TTN: variants seen among roughly 807,000 people sequenced by gnomAD.
TTN encodes the protein titin, also known as connectin.
TTN carries 1,525 observed loss-of-function variants against 3,223.0 expected under a neutral mutation model. The ratio of observed to expected loss-of-function variants is 0.47; its 90% CI spans 0.45 to 0.49. The LOEUF is 0.49. Ranked by LOEUF, TTN falls within the 20% of genes least tolerant of loss-of-function variation. The pLI is 0.00. For synonymous variants in TTN, 14,094 were observed against 15,161.0 expected, an observed-to-expected ratio of 0.93 and a Z score of 5.17; for missense variants, 40,786 against 43,424.0, an observed-to-expected ratio of 0.94 and a Z score of 5.40.
In TTN at chr2:178,777,150, T is replaced by C; in HGVS notation, c.4813A>G (p.Arg1605Gly). 6.2e-7 allele frequency: 1 copy of C among 1,614,130 alleles called. No homozygotes were observed. Among genetic ancestry groups the C allele is most frequent in the Non-Finnish European group, 8.5e-7 (1 of 1,179,972 alleles). ...IIVPHKYPKI[R>G]IEGTKGEAAL... The stretch of plus-strand genomic sequence containing the variant: ...TAGCTTTATTATTTCCATACTTACC[T>C]GATTTTGGGATATTTATGAGGCACA... Residue 1605 changes from arginine to glycine, a missense_variant and splice_region_variant, in exon 27 of 363, where the codon AGA (arginine) becomes GGA (glycine). Transcript: ENST00000589042.
intron 257 of TTN, 146 bp from the exon 258 acceptor site, chr2:178,615,934 T>G (rs2057253916): frequency 1.1e-6 from 1 of 921,542 alleles, no homozygotes; most frequent in Non-Finnish European, 1.6e-6. Flanking sequence ...TAGGGAAAAT[T>G]GCAAAGTAGG....
At chr2:178,794,858 G>T in intron 7 of TTN, 64 bp downstream of exon 7, 1 of 1,574,402 alleles carries the variant, frequency 6.4e-7, no homozygotes, top group Non-Finnish European at 8.6e-7. Context: ...GAGTTTCATG[G>T]CAGAAATCCA....
At position 178,786,222 on chromosome 2, in the gene TTN, A is replaced by T. The variant is rs576101564; in HGVS notation, c.2077-81T>A. 2.7e-6 allele frequency: 4 copies of T among 1,492,146 alleles called. No individual in the cohort carries two copies. In the Admixed American group the frequency reaches 5.5e-5, roughly 20 times the overall value. The allele number at this position is 1,492,146 out of a possible 1,614,324, so 92.4% of individuals were successfully genotyped here. On this transcript the variant is annotated intron_variant, in intron 13 of 362. Transcript: ENST00000589042. ...ATCTCCTGGGCATCAGGACAGGCAG[A>T]TGGCGTCCACATTATACAGCAGTGT... is the stretch of plus-strand genomic sequence containing the variant.
chr2:178,628,545 G>C (rs1013597548), intron 240 of TTN, among the ~76,000 whole-genome samples: 1 of 151,998 alleles, frequency 6.6e-6, no homozygotes, highest in Admixed American at 6.6e-5. Context: ...GATCAATTTA[G>C]GCAAATTGTA....
chr2:178,624,467 A>T lies in TTN; in HGVS notation c.44813T>A (p.Val14938Glu). Residue 14938 changes from valine to glutamate, a missense_variant and splice_region_variant, in exon 242 of 363, where the codon GTG (valine) becomes GAG (glutamate). Physicochemically the swap from Val to Glu is moderately radical, Grantham distance 121 (BLOSUM62 -2). Coordinates refer to ENST00000589042, the MANE Select transcript of TTN (RefSeq NM_001267550.2). The part of the protein sequence containing the change: ...DFKTSCNLNV[V>E]PPHVEFLRPL... The stretch of plus-strand genomic sequence containing the variant: ...TCCTTTGTAAGAAGAATACTTACGC[A>T]CGACATTCAGGTTACAGGAAGTCTT... The T allele has an allele frequency of 6.2e-7, 1 of 1,612,274 alleles. No individual in the cohort carries two copies. The highest frequency in any genetic ancestry group is 8.5e-7 in the Non-Finnish European group (1 of 1,178,872).
intron 41 of TTN, among the ~76,000 whole-genome samples, chr2:178,766,082 C>T (rs549239352): frequency 2.0e-5 from 3 of 152,086 alleles, no homozygotes; most frequent in African/African-American, 4.8e-5. Context: ...AGTTTAACAG[C>T]GAATCTAGAA....
Position 178,569,495 on chromosome 2 carries a change from T to C in TTN, c.76637A>G (p.Lys25546Arg). The change falls in exon 326 of 363, where the codon AAG becomes AGG. Residue 25546 changes from lysine to arginine, a missense_variant. By Grantham distance (26) the Lys-to-Arg change is conservative (BLOSUM62 2). Transcript: ENST00000589042. ...GRPTPEVKWG[K>R]VDGEIRDAAI... ...TGCATCTCGGATTTCACCATCCACC[T>C]TTCCCCATTTAACTTCTGGTGTAGG... 6.2e-7 allele frequency: 1 copy of C among 1,612,778 alleles called. No individual in the cohort carries two copies. Among genetic ancestry groups the C allele is most frequent in the Non-Finnish European group, 8.5e-7 (1 of 1,179,148 alleles).
Position 178,611,736 on chromosome 2 carries a change from G to A in TTN, c.50551+22C>T, listed in dbSNP as rs771135292. 2.3e-5 allele frequency: 37 copies of A among 1,611,280 alleles called. No homozygotes were observed. In the East Asian group the frequency reaches 3.8e-4, roughly 17 times the overall value. On this transcript the variant is annotated intron_variant, in intron 268 of 362. Transcript: ENST00000589042. ...CTCATCAAGTTCTAGACAATATCTT[G>A]TGTATAATCAGCACTACTTACTTGT... is the stretch of plus-strand genomic sequence containing the variant.
In TTN at chr2:178,635,544, C is replaced by A; in HGVS notation, c.41780G>T (p.Gly13927Val). 6.3e-7 allele frequency: 1 copy of A among 1,596,020 alleles called. No individual in the cohort carries two copies. The highest frequency in any genetic ancestry group is 8.5e-7 in the Non-Finnish European group (1 of 1,169,904). Residue 13927 changes from glycine to valine, a missense_variant, in exon 227 of 363, where the codon GGA becomes GTA. Transcript: ENST00000589042. ...CTTAATTTTGAGGTACAGATGATTT[C>A]CATCTCTCAGTATTTCAGTCTTATC... ...PNDKTEILRD[G>V]NHLYLKIKNA... is the part of the protein sequence containing the mutation.
chr2:178,637,903 A>C (rs1421249657), intron 223 of TTN, among the ~76,000 whole-genome samples: 2 of 152,052 alleles, frequency 1.3e-5, no homozygotes, highest in Non-Finnish European at 2.9e-5. Flanking sequence ...AAAAGAGTCC[A>C]TGTACCACAC....
chr2:178,751,459 AT>A, intron 47 of TTN: 11 of 1,613,170 alleles, frequency 6.8e-6, no homozygotes, highest in Non-Finnish European at 8.5e-6. Flanking sequence ...TTTGTTCCAC[AT>A]CTTGTTTTTT....
Position 178,673,634 on chromosome 2 carries a change from T to G in TTN, c.34785A>C (p.Lys11595Asn). The change falls in exon 152 of 363, where the codon AAA (lysine) becomes AAC (asparagine). Residue 11595 changes from lysine to asparagine, a missense_variant and splice_region_variant. Coordinates refer to ENST00000589042, the MANE Select transcript of TTN (RefSeq NM_001267550.2). ...ATTAATAATGAGGATTTGATATACC[T>G]TTAGCTGGTGGTGCCTCCACTTTTT... ...VPKKVEAPPA[K>N]VSKKIPEEKV... 6.3e-7 allele frequency: 1 copy of G among 1,590,148 alleles called. No individual in the cohort carries two copies. Among genetic ancestry groups the G allele is most frequent in the African/African-American group, 1.4e-5 (1 of 73,452 alleles).
rs1221038194 is a variant in TTN, at chr2:178,567,353, T to A, written c.78779A>T (p.Asp26260Val). 2 of 1,597,358 alleles carry A rather than the reference T, an allele frequency of 1.3e-6. No individual in the cohort carries two copies. The highest frequency in any genetic ancestry group is 1.7e-6 in the Non-Finnish European group (2 of 1,174,080). The part of the protein sequence containing the change: ...LLIVKDAIRI[D>V]GGQYILRASN... ...AGCTCTTAAAATATACTGCCCACCATCAATTCTAATTGCATCTTTTACAAT... is the reference window on the plus strand; with the variant it reads ...AGCTCTTAAAATATACTGCCCACCAACAATTCTAATTGCATCTTTTACAAT... The change falls in exon 326 of 363, where the codon GAT becomes GTT. Residue 26260 changes from aspartate to valine, a missense_variant. Coordinates refer to ENST00000589042, the MANE Select transcript of TTN (RefSeq NM_001267550.2).
At chr2:178,706,101 G>A (rs1239647470) in intron 102 of TTN, among the ~76,000 whole-genome samples, 1 of 152,158 alleles carries the variant, frequency 6.6e-6, no homozygotes, top group Non-Finnish European at 1.5e-5. Context: ...GAGATGGATG[G>A]CCCATGACTC....
chr2:178,619,445 A>G, intron 250 of TTN, 176 bp downstream of exon 250: 1 of 696,352 alleles, frequency 1.4e-6, no homozygotes, highest in Non-Finnish European at 2.3e-6. Flanking sequence ...ATTGCTATTA[A>G]TTTCCTCTTA....
At position 178,564,144 on chromosome 2, in the gene TTN, G is replaced by C. The variant is rs1205501595; in HGVS notation, c.81988C>G (p.Gln27330Glu). 1 of 1,613,720 alleles carries C rather than the reference G, an allele frequency of 6.2e-7. No individual in the cohort carries two copies. The highest frequency in any genetic ancestry group is 1.1e-5 in the South Asian group (1 of 91,078). The change falls in exon 326 of 363, where the codon CAG becomes GAG. Residue 27330 changes from glutamine to glutamate, a missense_variant. Coordinates refer to ENST00000589042, the MANE Select transcript of TTN (RefSeq NM_001267550.2). ...TCTTTGACAACAAGAGTTGTTTTCT[G>C]AATAGTAGATTTAATTTCCATTCTA... Reference protein sequence around the residue: ...AARMEIKSTIQKTTLVVKDCI... With the variant: ...AARMEIKSTIEKTTLVVKDCI...
At chr2:178,651,110 A>G (rs2062869112) in intron 208 of TTN, 133 bp downstream of exon 208, 1 of 746,178 alleles carries the variant, frequency 1.3e-6, no homozygotes, top group Non-Finnish European at 2.2e-6. Context: ...AAAAGTATTC[A>G]GACCCTAAAA....
At chr2:178,796,320 T>A (rs1027521610) in intron 6 of TTN, among the ~76,000 whole-genome samples, 1 of 152,216 alleles carries the variant, frequency 6.6e-6, no homozygotes, top group Non-Finnish European at 1.5e-5. Flanking sequence ...AAAATGTTTA[T>A]AAATGCATCT....
rs879073304 is a variant in TTN, at chr2:178,592,927, T to C, written c.59192A>G (p.Asn19731Ser). ...KVGDEEWRRA[N>S]HTPESCPETK... ...TTCAGGACATGACTCAGGGGTGTGA[T>C]TGGCTCTTCTCCACTCTTCATCTCC... The change falls in exon 300 of 363, where the codon AAT becomes AGT. Residue 19731 changes from asparagine (N) to serine (S), a missense_variant. Asn to Ser is a conservative substitution (Grantham distance 46). Transcript: ENST00000589042. 6.8e-6 allele frequency: 11 copies of C among 1,613,388 alleles called. No homozygotes were observed. Among genetic ancestry groups the C allele is most frequent in the Middle Eastern group, 1.6e-4 (1 of 6,080 alleles).
Sources: allele counts gnomAD v4.1 joint callset (sites outside exome capture counted in the v4.1 genomes callset), GRCh38; gene constraint gnomAD v4.1.1; transcripts MANE v1.5; gene names NCBI Gene and HGNC (gene_info 2026-07-23, HGNC 2026-07-21).